AKAP19: variants seen among roughly 807,000 people sequenced by gnomAD.
AKAP19 encodes A-kinase anchoring protein 19.
chr2:189,972,753 G>A, the AKAP19 span, among the ~76,000 whole-genome samples: 3 of 152,108 alleles, frequency 2.0e-5, no homozygotes, highest in African/African-American at 4.8e-5. Context: ...AATTGTGAAT[G>A]GGAGTTCACT....
At chr2:190,070,927 T>G in the AKAP19 span, among the ~76,000 whole-genome samples, 1 of 152,120 alleles carries the variant, frequency 6.6e-6, no homozygotes, top group Non-Finnish European at 1.5e-5. Flanking sequence ...ACTATTTGGT[T>G]GTGGGTAAGC....
the AKAP19 span, among the ~76,000 whole-genome samples, chr2:189,883,548 A>G: frequency 6.8e-6 from 1 of 148,078 alleles, no homozygotes; most frequent in Admixed American, 6.7e-5. Context: ...GATTTGGAAC[A>G]ACCTTTTTCC....
At chr2:190,185,263 G>T in the AKAP19 span, among the ~76,000 whole-genome samples, 3 of 152,194 alleles carry the variant, frequency 2.0e-5, no homozygotes, top group Admixed American at 1.3e-4. Context: ...GAGGAAAAAA[G>T]CTGTCCTCTA....
At chr2:189,997,768 C>T in the AKAP19 span, among the ~76,000 whole-genome samples, 3 of 152,184 alleles carry the variant, frequency 2.0e-5, no homozygotes, top group Non-Finnish European at 2.9e-5. Flanking sequence ...GGTGGTCTTG[C>T]ACTCCTTTCT....
chr2:189,949,631 CTTT>C, the AKAP19 span, among the ~76,000 whole-genome samples: 3 of 117,772 alleles, frequency 2.5e-5, no homozygotes, highest in Middle Eastern at 4.3e-3. Context: ...CTTTTTCTTT[CTTT>C]TTTTTTTTTT....
At chr2:190,083,737 C>T in the AKAP19 span, among the ~76,000 whole-genome samples, 1 of 152,142 alleles carries the variant, frequency 6.6e-6, no homozygotes, top group African/African-American at 2.4e-5. Context: ...GTCCACATAG[C>T]AAGAAGCTTC....
At chr2:190,144,839 C>T in the AKAP19 span, among the ~76,000 whole-genome samples, 4 of 151,970 alleles carry the variant, frequency 2.6e-5, no homozygotes, top group Non-Finnish European at 4.4e-5. Flanking sequence ...TAGCCAGGCA[C>T]GGTGGCACAC....
the AKAP19 span, among the ~76,000 whole-genome samples, chr2:190,110,006 C>T: frequency 1.3e-5 from 2 of 152,178 alleles, no homozygotes; most frequent in Non-Finnish European, 2.9e-5. Flanking sequence ...GCTTCTGATT[C>T]AGTAGGTCTG....
At chr2:190,187,409 C>CTTTTTTTTTTTT in the AKAP19 span, among the ~76,000 whole-genome samples, 1 of 131,302 alleles carries the variant, frequency 7.6e-6, no homozygotes, top group African/African-American at 2.9e-5. Context: ...TTAGAAGTTA[C>CTTTTTTTTTTTT]TTTTTTTTTT....
the AKAP19 span, chr2:190,202,422 G>A: frequency 8.4e-5 from 14 of 166,944 alleles, no homozygotes; most frequent in African/African-American, 2.4e-4. Flanking sequence ...ATGGGAGAAA[G>A]ATGAATAAAC....
the AKAP19 span, among the ~76,000 whole-genome samples, chr2:189,932,301 G>A: frequency 1.6e-4 from 25 of 151,616 alleles, no homozygotes; most frequent in African/African-American, 5.6e-4. Flanking sequence ...CCAGCTACTC[G>A]GGAGGCTGAG....
chr2:190,188,901 T>C, the AKAP19 span, among the ~76,000 whole-genome samples: 2 of 152,144 alleles, frequency 1.3e-5, no homozygotes, highest in African/African-American at 2.4e-5. Context: ...GTGGGGGCAG[T>C]TTACTAATCC....
At chr2:189,917,404 C>G in the AKAP19 span, 1 of 863,804 alleles carries the variant, frequency 1.2e-6, no homozygotes, top group Non-Finnish European at 1.9e-6. Context: ...ATCTCAAATT[C>G]TTGTCTTCTT....
At chr2:190,052,184 G>C in the AKAP19 span, among the ~76,000 whole-genome samples, 2 of 152,092 alleles carry the variant, frequency 1.3e-5, no homozygotes, top group Admixed American at 1.3e-4. Context: ...AGCCCAAGAT[G>C]ACCTGGTGTT....
the AKAP19 span, among the ~76,000 whole-genome samples, chr2:190,159,074 C>A: frequency 1.3e-5 from 2 of 152,148 alleles, no homozygotes; most frequent in African/African-American, 2.4e-5. Context: ...TGAGAAAATG[C>A]AGAAGGGCGT....
chr2:189,936,977 T>TA, the AKAP19 span, among the ~76,000 whole-genome samples: 1 of 151,146 alleles, frequency 6.6e-6, no homozygotes, highest in East Asian at 1.9e-4. Context: ...GCACAGAAAA[T>TA]AAAAAAATGT....
the AKAP19 span, among the ~76,000 whole-genome samples, chr2:190,024,605 A>G: frequency 6.6e-6 from 1 of 152,104 alleles, no homozygotes; most frequent in Admixed American, 6.6e-5. Context: ...ACCAGCACAC[A>G]TATATCATTT....
At chr2:190,099,008 T>C in the AKAP19 span, among the ~76,000 whole-genome samples, 1 of 152,238 alleles carries the variant, frequency 6.6e-6, no homozygotes, top group Non-Finnish European at 1.5e-5. Flanking sequence ...TGATTAGGCT[T>C]CAGCTTAAAG....
the AKAP19 span, among the ~76,000 whole-genome samples, chr2:190,052,981 T>G: frequency 2.0e-5 from 3 of 152,202 alleles, no homozygotes; most frequent in Non-Finnish European, 2.9e-5. Context: ...AAAGTTGATC[T>G]TTAAGAAAGT....
Sources: allele counts gnomAD v4.1 joint callset (sites outside exome capture counted in the v4.1 genomes callset), GRCh38; gene constraint gnomAD v4.1.1; transcripts MANE v1.5; gene names NCBI Gene and HGNC (gene_info 2026-07-23, HGNC 2026-07-21).